Variants in TTC6 observed in about 807,000 individuals in gnomAD.
TTC6 encodes tetratricopeptide repeat domain 6.
TTC6 carries 172 observed loss-of-function variants against 210.4 expected under a neutral mutation model. The ratio of observed to expected loss-of-function variants is 0.82; its 90% CI spans 0.72 to 0.93. The LOEUF is 0.93. TTC6 is among the 40% of genes least tolerant of loss of function. The pLI is 0.00. For synonymous variants in TTC6, 804 were observed against 819.6 expected, an observed-to-expected ratio of 0.98 and a Z score of 0.32; for missense variants, 2,414 against 2,318.1, an observed-to-expected ratio of 1.04 and a Z score of -0.85.
chr14:37,666,268 C>T (rs2138441811), intron 1 of TTC6, among the ~76,000 whole-genome samples: 1 of 149,842 alleles, frequency 6.7e-6, no homozygotes, highest in Admixed American at 6.7e-5. Flanking sequence ...CTGCTTTATA[C>T]ACTGGGCCTC....
exon 3 of TTC6, chr14:37,682,964 G>A: frequency 2.6e-6 from 4 of 1,534,384 alleles, no homozygotes; most frequent in Middle Eastern, 1.7e-4. Flanking sequence ...TGTCTTTAAC[G>A]GTAAGAAACT....
exon 24 of TTC6, chr14:37,808,807 C>A (rs766611756): frequency 3.3e-6 from 5 of 1,536,926 alleles, no homozygotes; most frequent in Non-Finnish European, 3.5e-6. Flanking sequence ...CATTTTATAA[C>A]AGAGCATTAT....
At chr14:37,652,957 A>G (rs1555334) in intron 1 of TTC6, among the ~76,000 whole-genome samples, 18,406 of 152,162 alleles carry the variant, frequency 0.12, 1,326 homozygotes, top group East Asian at 0.27. Flanking sequence ...TGCAAGGTTT[A>G]TTTTTTTCAC....
intron 26 of TTC6, among the ~76,000 whole-genome samples, chr14:37,821,387 T>C (rs1273827550): frequency 1.3e-5 from 2 of 152,098 alleles, no homozygotes; most frequent in South Asian, 2.1e-4. Flanking sequence ...ACTTCTTAAA[T>C]AGTGCCAATT....
At chr14:37,729,280 A>C (rs183366539) in intron 7 of TTC6, among the ~76,000 whole-genome samples, 2 of 152,344 alleles carry the variant, frequency 1.3e-5, no homozygotes, top group East Asian at 1.9e-4. Context: ...AAAGTTAATG[A>C]TATAAAGTGT....
At chr14:37,707,611 T>C (rs1243251537) in intron 5 of TTC6, among the ~76,000 whole-genome samples, 1 of 152,126 alleles carries the variant, frequency 6.6e-6, no homozygotes, top group Non-Finnish European at 1.5e-5. Context: ...TTTTATTACC[T>C]CAAGAACACA....
At chr14:37,670,474 C>CCTTTTTTTTT (rs532690678) in intron 1 of TTC6, among the ~76,000 whole-genome samples, 18,220 of 120,124 alleles carry the variant, frequency 0.15, 1,971 homozygotes, top group South Asian at 0.22. Flanking sequence ...AACTACCTCA[C>CCTTTTTTTTT]TTTTTTTTTT....
chr14:37,820,282 T>C (rs568159055), intron 26 of TTC6, among the ~76,000 whole-genome samples: 4 of 152,376 alleles, frequency 2.6e-5, no homozygotes, highest in Admixed American at 2.6e-4. Context: ...CTATCGGCTT[T>C]GAGGAGCTTG....
intron 29 of TTC6, among the ~76,000 whole-genome samples, chr14:37,835,628 A>G (rs894274113): frequency 3.3e-5 from 5 of 152,170 alleles, no homozygotes; most frequent in African/African-American, 9.7e-5. Context: ...AGTATTAGTC[A>G]CCAGTTAACA....
At position 37,681,597 on chromosome 14, in the gene TTC6, C is replaced by T. The variant is rs1454659750; in HGVS notation, c.1051-1161C>T. Among the ~76,000 whole-genome samples, 3 of 152,044 alleles carry T rather than the reference C, an allele frequency of 2.0e-5. No homozygotes were observed. The East Asian group carries it at 5.8e-4, about 29-fold the overall frequency. ...ACTTCTTTAGAGGTAAAATACCTTTCGACTTGGTACCGGGTCATGGATGCT... is the reference window on the plus strand; with the variant it reads ...ACTTCTTTAGAGGTAAAATACCTTTTGACTTGGTACCGGGTCATGGATGCT... On this transcript the variant is annotated intron_variant, in intron 2 of 30. Transcript: ENST00000553443.
intron 29 of TTC6, among the ~76,000 whole-genome samples, chr14:37,840,062 T>G (rs1467101558): frequency 1.3e-5 from 2 of 152,096 alleles, no homozygotes; most frequent in African/African-American, 4.8e-5. Flanking sequence ...TAGTATAGTT[T>G]GAAGTCAGGT....
chr14:37,731,264 T>TA (rs1216738091), intron 7 of TTC6, among the ~76,000 whole-genome samples: 3 of 152,234 alleles, frequency 2.0e-5, no homozygotes, highest in African/African-American at 7.2e-5. Context: ...GACAGCACTA[T>TA]AACTCATGCC....
Position 37,636,477 on chromosome 14 carries a change from A to C in TTC6, c.939+13474A>C, listed in dbSNP as rs1452147272. Reference sequence around the variant, plus strand: ...ATTGATAACAAAATGATGATAGGAAAATCCTCAAACACTTGGAAACTAAAC... The same window carrying C: ...ATTGATAACAAAATGATGATAGGAACATCCTCAAACACTTGGAAACTAAAC... On this transcript the variant is annotated intron_variant, in intron 1 of 30. Transcript: ENST00000553443. Among the ~76,000 whole-genome samples, 8 of 152,222 alleles carry C rather than the reference A, an allele frequency of 5.3e-5. No homozygotes were observed. The South Asian group carries it at 1.7e-3, about 31-fold the overall frequency.
At chr14:37,674,396 T>C (rs2095764467) in intron 1 of TTC6, among the ~76,000 whole-genome samples, 1 of 152,160 alleles carries the variant, frequency 6.6e-6, no homozygotes, top group Admixed American at 6.6e-5. Flanking sequence ...TAATGTCAAA[T>C]TATGATGGTA....
intron 14 of TTC6, among the ~76,000 whole-genome samples, chr14:37,773,118 G>T (rs952134694): frequency 2.0e-5 from 3 of 151,906 alleles, no homozygotes; most frequent in Non-Finnish European, 2.9e-5. Context: ...TTTTTTGTTT[G>T]TTTGTTTGTT....
rs142890648 is a variant in TTC6 at position 37,724,047 on chromosome 14, A to G, written c.1714-851A>G. Among the ~76,000 whole-genome samples, 538 of 152,302 alleles carry G rather than the reference A, an allele frequency of 3.5e-3. 4 individuals carry two copies. Among genetic ancestry groups the G allele is most frequent in the African/African-American group, 0.012 (519 of 41,572 alleles). On this transcript the variant is annotated intron_variant, in intron 6 of 30. Coordinates refer to ENST00000553443, the Ensembl canonical transcript of TTC6. ...AAAAAAAATCTCCTAGGCCTGATTAATTTTTATTTGGAAAAGAAATACAGA... is the reference window on the plus strand; with the variant it reads ...AAAAAAAATCTCCTAGGCCTGATTAGTTTTTATTTGGAAAAGAAATACAGA...
intron 14 of TTC6, among the ~76,000 whole-genome samples, chr14:37,782,386 G>A (rs1323778735): frequency 6.6e-6 from 1 of 152,128 alleles, no homozygotes; most frequent in Non-Finnish European, 1.5e-5. Flanking sequence ...TCTCTTTGAA[G>A]CAATTGTGAA....
intron 29 of TTC6, among the ~76,000 whole-genome samples, chr14:37,833,420 A>G (rs529648913): frequency 6.6e-6 from 1 of 152,090 alleles, no homozygotes; most frequent in African/African-American, 2.4e-5. Flanking sequence ...TGTTTGATAT[A>G]ACTCCTTGTT....
At position 37,841,441 on chromosome 14, in the gene TTC6, G is replaced by T; in HGVS notation, c.5299-4G>T. 6.3e-7 allele frequency: 1 copy of T among 1,579,828 alleles called. No individual in the cohort carries two copies. Among genetic ancestry groups the T allele is most frequent in the Non-Finnish European group, 8.5e-7 (1 of 1,169,978 alleles). ...AAATATATCATTATCTTCATATTTT[G>T]TAGGCCAGTGACTACTTCTCAAAAG... On this transcript the variant is annotated splice_region_variant and splice_polypyrimidine_tract_variant and intron_variant, in intron 29 of 30. Coordinates refer to ENST00000553443, the Ensembl canonical transcript of TTC6.
Sources: gnomAD v4.1 joint callset for allele counts (sites outside exome capture counted in the v4.1 genomes callset) on GRCh38, gnomAD v4.1.1 for gene constraint, MANE v1.5 for transcripts, NCBI Gene and HGNC (gene_info 2026-07-23, HGNC 2026-07-21) for gene names.